Variants in GLIS3 observed in about 807,000 individuals in gnomAD.
GLIS3 encodes the protein zinc finger protein GLIS3.
Under a neutral mutation model 78.6 loss-of-function variants are expected in GLIS3, and 53 were observed. That is an observed-to-expected ratio of 0.67 (90% CI 0.54 to 0.85). The LOEUF is 0.85. Ranked by LOEUF, GLIS3 falls within the 40% of genes least tolerant of loss-of-function variation. GLIS3 has a pLI of 0.00. For synonymous variants in GLIS3, 684 were observed against 509.9 expected (o/e 1.34, Z -4.60); for missense variants, 1,703 against 1,231.1 (o/e 1.38, Z -5.74).
At chr9:4,429,215 C>T in the GLIS3 span, among the ~76,000 whole-genome samples, 1 of 152,262 alleles carries the variant, frequency 6.6e-6, no homozygotes, top group South Asian at 2.1e-4. Flanking sequence ...ACCTACCCCT[C>T]GCTGAAATCT....
chr9:3,968,318 A>T (rs1818113455), intron 4 of GLIS3, among the ~76,000 whole-genome samples: 1 of 152,196 alleles, frequency 6.6e-6, no homozygotes, highest in South Asian at 2.1e-4. Flanking sequence ...AGTGCTGATG[A>T]TAGGGAGCTT....
upstream of GLIS3, among the ~76,000 whole-genome samples, chr9:4,301,989 TTTC>T (rs1437514531): frequency 2.8e-5 from 4 of 142,366 alleles, no homozygotes; most frequent in Admixed American, 8.0e-5. Context: ...GTTGAATTTT[TTTC>T]TTTTTTTTTT....
At chr9:3,933,134 T>C (rs947990015) in intron 5 of GLIS3, among the ~76,000 whole-genome samples, 3 of 152,040 alleles carry the variant, frequency 2.0e-5, no homozygotes, top group African/African-American at 4.8e-5. Context: ...ATTTCCCCCA[T>C]GCTCCTGGGA....
the GLIS3 span, among the ~76,000 whole-genome samples, chr9:4,463,687 CAG>C: frequency 1.3e-5 from 2 of 152,120 alleles, no homozygotes; most frequent in African/African-American, 4.8e-5. Flanking sequence ...TTGGGGAAAA[CAG>C]ATAAAAATGT....
chr9:3,959,308 G>C lies in GLIS3; in HGVS notation c.1711-22119C>G, dbSNP rs566667284. ...AGGAAGTAGGCTCTCACCAGACACT[G>C]CATTTGCTGGCACCTTGATATTCGA... On this transcript the variant is annotated intron_variant, in intron 4 of 10. Transcript: ENST00000381971. 2.6e-5 allele frequency among the ~76,000 whole-genome samples: 4 copies of C among 152,306 alleles called. No homozygotes were observed. The East Asian group carries it at 7.7e-4, about 29-fold the overall frequency.
At chr9:4,225,214 C>G (rs539316145) in intron 2 of GLIS3, among the ~76,000 whole-genome samples, 1 of 152,106 alleles carries the variant, frequency 6.6e-6, no homozygotes, top group Non-Finnish European at 1.5e-5. Flanking sequence ...TTGCATTTTC[C>G]CCTACAACTG....
intron 2 of GLIS3, among the ~76,000 whole-genome samples, chr9:4,321,656 T>C (rs552886279): frequency 7.1e-6 from 1 of 140,886 alleles, no homozygotes; most frequent in Non-Finnish European, 1.5e-5. Context: ...CCATTTCTTC[T>C]CTGCTATCCC....
At chr9:4,480,863 T>C in the GLIS3 span, among the ~76,000 whole-genome samples, 1 of 149,610 alleles carries the variant, frequency 6.7e-6, no homozygotes, top group Admixed American at 6.7e-5. Flanking sequence ...CACCTACTGG[T>C]TTTTTTTCTG....
At chr9:4,460,984 T>C in the GLIS3 span, among the ~76,000 whole-genome samples, 1 of 152,196 alleles carries the variant, frequency 6.6e-6, no homozygotes, top group Non-Finnish European at 1.5e-5. Context: ...TTCTCATCCA[T>C]AGAGAATTAA....
Position 4,219,192 on chromosome 9 carries a change from G to A in GLIS3, c.388+66846C>T, listed in dbSNP as rs191342676. On this transcript the variant is annotated intron_variant, in intron 2 of 10. Transcript: ENST00000381971. ...CAGTAGGTTGTCCTGAGACATCCAT[G>A]TCCTCTTCCACGGTCTCCCCTGTGA... Among the ~76,000 whole-genome samples, 146 of 152,296 alleles carry A rather than the reference G, an allele frequency of 9.6e-4. 2 individuals are homozygous for A. The Middle Eastern group carries it at 0.014, about 14-fold the overall frequency.
At chr9:3,895,674 T>TTGTA (rs1460963144) in intron 7 of GLIS3, among the ~76,000 whole-genome samples, 2 of 152,222 alleles carry the variant, frequency 1.3e-5, no homozygotes, top group Admixed American at 1.3e-4. Context: ...AGTGCAAGAC[T>TTGTA]TGTATGTTCC....
intron 2 of GLIS3, among the ~76,000 whole-genome samples, chr9:4,230,347 G>A (rs550720825): frequency 2.6e-5 from 4 of 152,186 alleles, no homozygotes; most frequent in Non-Finnish European, 4.4e-5. Flanking sequence ...CTGGACTTGC[G>A]AGGGGTATGA....
intron 4 of GLIS3, among the ~76,000 whole-genome samples, chr9:3,982,331 C>A (rs1819368828): frequency 6.6e-6 from 1 of 152,040 alleles, no homozygotes. Flanking sequence ...CCAAGGCAAT[C>A]TTGGCAGGAA....
In GLIS3 at chr9:4,010,877, C is replaced by T. The variant is rs556340292; in HGVS notation, c.1711-73688G>A. On this transcript the variant is annotated intron_variant, in intron 4 of 10. Transcript: ENST00000381971. ...CCTGATGGAGGTTCCAAAGTCCTAC[C>T]GTTAGGAAAATGTTCCTGGGAGTAA... Among the ~76,000 whole-genome samples, 77 of 152,184 alleles carry T rather than the reference C, an allele frequency of 5.1e-4. 1 individual carries two copies. The highest frequency in any genetic ancestry group is 8.4e-4 in the Non-Finnish European group (57 of 68,024).
intron 2 of GLIS3, among the ~76,000 whole-genome samples, chr9:4,234,995 C>T (rs183968217): frequency 6.6e-6 from 1 of 152,234 alleles, no homozygotes; most frequent in Admixed American, 6.5e-5. Context: ...CCTCACTGGA[C>T]TTAATAAAAA....
At chr9:4,226,101 C>T (rs1477917261) in intron 2 of GLIS3, among the ~76,000 whole-genome samples, 3 of 152,126 alleles carry the variant, frequency 2.0e-5, no homozygotes, top group East Asian at 3.8e-4. Context: ...TTCAAACATA[C>T]GCTGGTTTAA....
chr9:4,009,784 C>T (rs1821849752), intron 4 of GLIS3, among the ~76,000 whole-genome samples: 1 of 152,200 alleles, frequency 6.6e-6, no homozygotes, highest in Non-Finnish European at 1.5e-5. Context: ...TCCTGCCCTC[C>T]AACCTGGGCA....
intron 5 of GLIS3, among the ~76,000 whole-genome samples, chr9:3,935,165 TA>T (rs1825821855): frequency 6.6e-6 from 1 of 152,150 alleles, no homozygotes; most frequent in African/African-American, 2.4e-5. Flanking sequence ...GACCTAAATT[TA>T]AATAACAAAT....
chr9:3,902,306 C>T (rs1272356058), intron 6 of GLIS3, among the ~76,000 whole-genome samples: 1 of 152,154 alleles, frequency 6.6e-6, no homozygotes, highest in Non-Finnish European at 1.5e-5. Context: ...TAGTGTCCCT[C>T]ACAGATCTTC....
Sources: gnomAD v4.1 joint callset for allele counts (sites outside exome capture counted in the v4.1 genomes callset) on GRCh38, gnomAD v4.1.1 for gene constraint, MANE v1.5 for transcripts, NCBI Gene and HGNC (gene_info 2026-07-23, HGNC 2026-07-21) for gene names.